Variants in FBXO24 observed in about 807,000 individuals in gnomAD.
The protein encoded by FBXO24 is F-box protein 24.
A neutral mutation model predicts 63.5 loss-of-function variants in FBXO24; 30 were observed. That is an observed-to-expected ratio of 0.47 (90% confidence interval 0.35 to 0.64). The LOEUF is 0.64. Among genes scored for constraint, FBXO24 ranks in the 30% least tolerant of loss-of-function variants. FBXO24 has a pLI of 0.00. For missense variants in FBXO24, 624 were observed against 763.4 expected (o/e 0.82, Z 2.15); for synonymous variants, 300 against 305.0 (o/e 0.98, Z 0.17).
chr7:100,589,875 A>T, intron 1 of FBXO24, 102 bp from the exon 2 acceptor site: 1 of 1,549,750 alleles, frequency 6.5e-7, no homozygotes, highest in Non-Finnish European at 8.7e-7. Context: ...GGGAGGAAAT[A>T]ACTGTGCCCA....
At position 100,594,826 on chromosome 7, in the gene FBXO24, T is replaced by A. The variant is rs1191386311; in HGVS notation, c.953-276T>A. Among the ~76,000 whole-genome samples, 1 of 152,132 alleles carries A rather than the reference T, an allele frequency of 6.6e-6. No individual in the cohort carries two copies. The highest frequency in any genetic ancestry group is 2.4e-5 in the African/African-American group (1 of 41,420). On this transcript the variant is annotated intron_variant, in intron 6 of 9. Transcript: ENST00000241071. This position sits in a 1 kb window ranked among gnomAD's most constrained non-coding sequence, Gnocchi z 4.2. ...TTAGCTGGGTGTGATGGCAGGCGCC[T>A]GTAATCCCAGCTACACCAGAGGCCG...
chr7:100,597,136 A>C (rs1256892646), intron 8 of FBXO24, among the ~76,000 whole-genome samples: 4 of 152,166 alleles, frequency 2.6e-5, no homozygotes, highest in Admixed American at 6.5e-5. Context: ...AGAAGTAGAG[A>C]CTGAAAAGCA....
chr7:100,595,475 G>A (rs934164557), intron 7 of FBXO24, 100 bp from the exon 8 acceptor site: 8 of 1,398,868 alleles, frequency 5.7e-6, no homozygotes, highest in Non-Finnish European at 7.8e-6. Flanking sequence ...TATAGAAAGA[G>A]ATCAGCTGGG....
chr7:100,590,129 G>A lies in FBXO24; in HGVS notation c.139-45G>A, dbSNP rs369590931. 1.2e-5 allele frequency: 20 copies of A among 1,607,442 alleles called. No homozygotes were observed. In the African/African-American group the frequency reaches 2.1e-4, roughly 17 times the overall value. On this transcript the variant is annotated intron_variant, in intron 2 of 9. Coordinates refer to ENST00000241071, the MANE Select transcript of FBXO24 (RefSeq NM_033506.3). ...TAATAGGATTGGGGGCCAGATCACC[G>A]AGGGGCCACCAAAGACTCCCCGCTT...
In FBXO24 at chr7:100,599,951, C is replaced by T. The variant is rs543015909; in HGVS notation, c.1207-80C>T. 67 of 1,484,806 alleles carry T rather than the reference C, an allele frequency of 4.5e-5. No homozygotes were observed. The East Asian group carries it at 1.6e-3, about 35-fold the overall frequency. The allele number at this position is 1,484,806 out of a possible 1,614,324, so 92.0% of individuals were successfully genotyped here. ...CTCCCCAGTTCATTCTGCCCCGAGC[C>T]TTCCAGTCAACCTTTTCCCACCCCA... On this transcript the variant is annotated intron_variant, in intron 8 of 9. Transcript: ENST00000241071.
Position 100,589,984 on chromosome 7 carries a change from G to T in FBXO24, c.47G>T (p.Arg16Ile), listed in dbSNP as rs761743917. ...VPLLRRRRVKRSCPSCGSELG... is the reference protein window; with the variant it reads ...VPLLRRRRVKISCPSCGSELG... ...GCACCCCTTCTTGGGTAGGTGAAGAGAAGCTGCCCTTCTTGTGGCTCGGAG... is the reference window on the plus strand; with the variant it reads ...GCACCCCTTCTTGGGTAGGTGAAGATAAGCTGCCCTTCTTGTGGCTCGGAG... Residue 16 changes from arginine to isoleucine, a missense_variant, in exon 2 of 10, where the codon AGA becomes ATA. This residue lies in a region of FBXO24 where 391 missense variants were observed against 469.1 expected (regional missense o/e 0.83). Transcript: ENST00000241071. The T allele has an allele frequency of 6.2e-7, 1 of 1,613,080 alleles. No homozygotes were observed. The highest frequency in any genetic ancestry group is 8.5e-7 in the Non-Finnish European group (1 of 1,179,668).
At chr7:100,595,274 TG>T in intron 7 of FBXO24, 51 bp downstream of exon 7, 1 of 1,613,124 alleles carries the variant, frequency 6.2e-7, no homozygotes, top group Non-Finnish European at 8.5e-7. Flanking sequence ...CTGTAGGGAT[TG>T]GAAGGTCTGA....
In FBXO24 at chr7:100,594,778, C is replaced by T. The variant is rs1201481611; in HGVS notation, c.952+237C>T. Among the ~76,000 whole-genome samples the T allele has an allele frequency of 6.6e-6, 1 of 152,122 alleles. No individual in the cohort carries two copies. The highest frequency in any genetic ancestry group is 1.5e-5 in the Non-Finnish European group (1 of 68,008). On this transcript the variant is annotated intron_variant, in intron 6 of 9. Coordinates refer to ENST00000241071, the MANE Select transcript of FBXO24 (RefSeq NM_033506.3). The surrounding 1 kb of genome is among the most constrained non-coding windows in gnomAD (Gnocchi z 4.2). The stretch of plus-strand genomic sequence containing the variant: ...CCAGCCTGGCCAACATGGCGAAACC[C>T]CATCTCTACTAAAATACAAAAATTA...
At chr7:100,587,253 C>T (rs548597983) in intron 1 of FBXO24, among the ~76,000 whole-genome samples, 2 of 152,146 alleles carry the variant, frequency 1.3e-5, no homozygotes, top group East Asian at 1.9e-4. Context: ...GTTTTCACTC[C>T]CTTCCTCTCT....
intron 1 of FBXO24, 84 bp downstream of exon 1, chr7:100,586,748 G>A (rs372431075): frequency 1.0e-5 from 15 of 1,490,116 alleles, no homozygotes; most frequent in Admixed American, 5.0e-5. Flanking sequence ...CTGCAGTGGC[G>A]AGTGCGAGCT....
rs572320327 is a variant in FBXO24 at position 100,594,931 on chromosome 7, C to T, written c.953-171C>T. The stretch of plus-strand genomic sequence containing the variant: ...GCCACTTCGCTCCAGCCTGGGTGAC[C>T]GAGGGAGACTCGGTCTCAAAAGATG... On this transcript the variant is annotated intron_variant, in intron 6 of 9. Coordinates refer to ENST00000241071, the MANE Select transcript of FBXO24 (RefSeq NM_033506.3). This position sits in a 1 kb window ranked among gnomAD's most constrained non-coding sequence, Gnocchi z 4.2. Among the ~76,000 whole-genome samples the T allele has an allele frequency of 6.6e-6, 1 of 152,124 alleles. No homozygotes were observed. Among genetic ancestry groups the T allele is most frequent in the South Asian group, 2.1e-4 (1 of 4,820 alleles).
At position 100,600,189 on chromosome 7, in the gene FBXO24, G is replaced by C. The variant is rs764891577; in HGVS notation, c.1365G>C (p.Lys455Asn). 1.8e-5 allele frequency: 28 copies of C among 1,565,774 alleles called. No individual in the cohort carries two copies. In the African/African-American group the frequency reaches 2.8e-4, roughly 16 times the overall value. The change falls in exon 9 of 10, where the codon AAG becomes AAC. Residue 455 changes from lysine to asparagine, a missense_variant. Physicochemically the swap from Lys to Asn is moderately conservative, Grantham distance 94. Coordinates refer to ENST00000241071, the MANE Select transcript of FBXO24 (RefSeq NM_033506.3). The surrounding 1 kb of genome is among the most constrained non-coding windows in gnomAD (Gnocchi z 6.3). ...GWPKGSASFVKLQVKVPLCAC... is the reference protein window; with the variant it reads ...GWPKGSASFVNLQVKVPLCAC... ...CCAAGGGGAGTGCCTCCTTCGTCAA[G>C]CTCCAAGTCAAGGTCAGAGCGGGGT...
chr7:100,586,706 A>AG (rs780371058), intron 1 of FBXO24, 42 bp downstream of exon 1: 3 of 1,611,770 alleles, frequency 1.9e-6, no homozygotes, highest in Non-Finnish European at 2.5e-6. Context: ...ATGAACGCGG[A>AG]GCCCCTGGCC....
At position 100,590,221 on chromosome 7, in the gene FBXO24, C is replaced by G; in HGVS notation, c.186C>G (p.Leu62=). The change falls in exon 3 of 10, where the codon CTC becomes CTG. Residue 62 remains leucine (L), a synonymous_variant. Coordinates refer to ENST00000241071, the MANE Select transcript of FBXO24 (RefSeq NM_033506.3). ...SFLPVRDLVA[L]GQTCRYFHEV... is the part of the protein sequence containing the mutation. ...TCCCAGTCAGAGACCTTGTTGCCCT[C>G]GGCCAGACCTGCCGCTACTTCCACG... 6.2e-7 allele frequency: 1 copy of G among 1,614,064 alleles called. No individual in the cohort carries two copies. The highest frequency in any genetic ancestry group is 8.5e-7 in the Non-Finnish European group (1 of 1,179,976).
At chr7:100,588,339 A>G (rs1263859836) in intron 1 of FBXO24, among the ~76,000 whole-genome samples, 3 of 152,154 alleles carry the variant, frequency 2.0e-5, no homozygotes, top group Non-Finnish European at 2.9e-5. Flanking sequence ...TCCCCTCCCT[A>G]TGTGGTAGGT....
At chr7:100,596,696 A>G (rs540435699) in intron 8 of FBXO24, among the ~76,000 whole-genome samples, 5 of 152,190 alleles carry the variant, frequency 3.3e-5, no homozygotes, top group African/African-American at 7.2e-5. Flanking sequence ...CTATTTGGGA[A>G]GAAAATGAAT....
At chr7:100,590,834 C>T (rs1801979557) in intron 3 of FBXO24, among the ~76,000 whole-genome samples, 1 of 152,074 alleles carries the variant, frequency 6.6e-6, no homozygotes, top group Non-Finnish European at 1.5e-5. Flanking sequence ...CACCCCTAGC[C>T]TGAGAACCAT....
chr7:100,591,603 G>T, intron 3 of FBXO24, 64 bp from the exon 4 acceptor site: 1 of 1,501,594 alleles, frequency 6.7e-7, no homozygotes. Context: ...ATCTACCCAA[G>T]CTCCAACTCA....
At chr7:100,596,902 T>A (rs528699097) in intron 8 of FBXO24, among the ~76,000 whole-genome samples, 12 of 151,908 alleles carry the variant, frequency 7.9e-5, no homozygotes, top group African/African-American at 2.7e-4. Flanking sequence ...ATTAGCCAGG[T>A]GTGGTGGTGG....
Sources: allele counts gnomAD v4.1 joint callset (sites outside exome capture counted in the v4.1 genomes callset), GRCh38; gene constraint gnomAD v4.1.1; regional missense constraint gnomAD v4.1.1; non-coding constraint Gnocchi (gnomAD v3.1); transcripts MANE v1.5; gene names NCBI Gene and HGNC (gene_info 2026-07-23, HGNC 2026-07-21).